The following PPFIBP1 variants were observed in gnomAD, a reference collection of about 807,000 sequenced individuals.
The protein encoded by PPFIBP1 is PPFIB scaffold protein 1.
A neutral mutation model predicts 137.8 loss-of-function variants in PPFIBP1; 112 were observed. The ratio of observed to expected loss-of-function variants is 0.81; its 90% CI spans 0.70 to 0.95. The LOEUF is 0.95. PPFIBP1 is among the 40% of genes least tolerant of loss of function. The pLI, the probability that PPFIBP1 is intolerant of heterozygous loss-of-function variation, is 0.00. For missense variants in PPFIBP1, 1,083 were observed against 1,196.6 expected, an observed-to-expected ratio of 0.91 and a Z score of 1.40; for synonymous variants, 378 against 417.3, an observed-to-expected ratio of 0.91 and a Z score of 1.15.
At chr12:27,616,888 A>G (rs187960319) in intron 2 of PPFIBP1, among the ~76,000 whole-genome samples, 5 of 152,310 alleles carry the variant, frequency 3.3e-5, no homozygotes, top group Admixed American at 2.6e-4. Flanking sequence ...AGGAATTTTT[A>G]GAGACAGCCA....
rs2139738432 is a variant in PPFIBP1, at chr12:27,654,819, G to A, written c.696+5G>A. 1 of 1,610,846 alleles carries A rather than the reference G, an allele frequency of 6.2e-7. No homozygotes were observed. The highest frequency in any genetic ancestry group is 2.2e-5 in the East Asian group (1 of 44,688). The stretch of plus-strand genomic sequence containing the variant: ...AAAAAGCTTAAATCAACCAAAGTAA[G>A]TTTTTCTCACAGGTTAACATTTTCA... On this transcript the variant is annotated splice_donor_5th_base_variant and intron_variant, in intron 8 of 29. Coordinates refer to ENST00000228425, the MANE Select transcript of PPFIBP1 (RefSeq NM_003622.4).
At chr12:27,672,634 GA>G in intron 15 of PPFIBP1, 151 bp downstream of exon 15, 1 of 633,044 alleles carries the variant, frequency 1.6e-6, no homozygotes, top group Non-Finnish European at 2.7e-6. Context: ...GGGTGGGGGT[GA>G]AGGTGGGGAG....
At chr12:27,629,811 A>T (rs993841736) in intron 2 of PPFIBP1, among the ~76,000 whole-genome samples, 6 of 152,206 alleles carry the variant, frequency 3.9e-5, no homozygotes, top group Non-Finnish European at 8.8e-5. Flanking sequence ...CCTCTAAAAT[A>T]GCTCAAACCA....
At chr12:27,558,256 G>GTTTTTTTTTTTTTTTTT (rs11434356) in intron 1 of PPFIBP1, among the ~76,000 whole-genome samples, 1 of 139,330 alleles carries the variant, frequency 7.2e-6, no homozygotes, top group Non-Finnish European at 1.5e-5. Flanking sequence ...GACCTTCTGG[G>GTTTTTTTTTTTTTTTTT]TTTTTTTTTT....
chr12:27,689,188 T>C lies in PPFIBP1; in HGVS notation c.2670T>C (p.Ala890=), dbSNP rs2061371109. The change falls in exon 27 of 30, where the codon GCT becomes GCC. Residue 890 remains alanine, a synonymous_variant. Transcript: ENST00000228425. ...TGCCGGATTATGTACTTCTAACAGC[T>C]ACTGCCAAAGTGAAGGTTGGTTCAG... ...MELPDYVLLT[A]TAKVKPKKLA... 2 of 1,569,546 alleles carry C rather than the reference T, an allele frequency of 1.3e-6. No individual in the cohort carries two copies. Among genetic ancestry groups the C allele is most frequent in the Non-Finnish European group, 1.7e-6 (2 of 1,164,374 alleles).
intron 4 of PPFIBP1, chr12:27,636,279 A>T (rs1312539153): frequency 3.8e-5 from 4 of 105,854 alleles, no homozygotes; most frequent in Non-Finnish European, 8.4e-5. Flanking sequence ...ACTTGTTAAA[A>T]CACATAATGC....
At chr12:27,625,664 A>G (rs1017530787) in intron 2 of PPFIBP1, among the ~76,000 whole-genome samples, 10 of 151,264 alleles carry the variant, frequency 6.6e-5, no homozygotes, top group African/African-American at 2.4e-4. Context: ...GCCCACTGCA[A>G]TCTCAGCCTC....
intron 2 of PPFIBP1, among the ~76,000 whole-genome samples, chr12:27,589,311 G>A (rs1330338303): frequency 6.6e-6 from 1 of 151,986 alleles, no homozygotes; most frequent in East Asian, 1.9e-4. Context: ...CTATTCTTGT[G>A]GCCAGTTAGA....
chr12:27,564,870 A>T (rs1305537823), intron 1 of PPFIBP1, among the ~76,000 whole-genome samples: 1 of 152,130 alleles, frequency 6.6e-6, no homozygotes, highest in Non-Finnish European at 1.5e-5. Flanking sequence ...CACCTCACCG[A>T]GGACCCCGGT....
intron 4 of PPFIBP1, among the ~76,000 whole-genome samples, chr12:27,637,636 A>G (rs2139167299): frequency 6.6e-6 from 1 of 152,260 alleles, no homozygotes; most frequent in African/African-American, 2.4e-5. Flanking sequence ...GCACACAGAG[A>G]ATGACAGGAT....
rs1378179167 is a variant in PPFIBP1, at chr12:27,688,361, T to C, written c.2434T>C (p.Ser812Pro). The C allele has an allele frequency of 3.1e-6, 5 of 1,614,142 alleles. No homozygotes were observed. The highest frequency in any genetic ancestry group is 2.2e-5 in the South Asian group (2 of 91,072). ...TNHRVMEWLR[S>P]VDLAEYAPNL... is the part of the protein sequence containing the mutation. ...CCATCGAGTGATGGAGTGGCTGCGCTCCGTGGACTTGGCAGAATATGCGCC... is the reference window on the plus strand; with the variant it reads ...CCATCGAGTGATGGAGTGGCTGCGCCCCGTGGACTTGGCAGAATATGCGCC... Residue 812 changes from serine to proline, a missense_variant, in exon 26 of 30, where the codon TCC (serine) becomes CCC (proline). By Grantham distance (74) the Ser-to-Pro change is moderately conservative. Transcript: ENST00000228425.
intron 2 of PPFIBP1, among the ~76,000 whole-genome samples, chr12:27,609,810 C>A (rs1370520310): frequency 6.6e-6 from 1 of 152,140 alleles, no homozygotes; most frequent in East Asian, 1.9e-4. Flanking sequence ...GTGTTTAAAC[C>A]CACTGCTCTT....
At chr12:27,655,743 G>A (rs2059157333) in intron 8 of PPFIBP1, among the ~76,000 whole-genome samples, 1 of 152,140 alleles carries the variant, frequency 6.6e-6, no homozygotes, top group Non-Finnish European at 1.5e-5. Flanking sequence ...AAACTATAGG[G>A]CCAAGTGCCT....
chr12:27,614,323 G>A (rs2055505547), intron 2 of PPFIBP1, among the ~76,000 whole-genome samples: 1 of 152,058 alleles, frequency 6.6e-6, no homozygotes, highest in South Asian at 2.1e-4. Flanking sequence ...AGGCTGCAGT[G>A]AGCCGTGCGT....
At chr12:27,569,753 G>T (rs1036981080) in intron 1 of PPFIBP1, among the ~76,000 whole-genome samples, 1 of 152,062 alleles carries the variant, frequency 6.6e-6, no homozygotes, top group Non-Finnish European at 1.5e-5. Context: ...TGGAGACAGG[G>T]TTTCACCATA....
intron 4 of PPFIBP1, among the ~76,000 whole-genome samples, chr12:27,638,111 T>C (rs1243634518): frequency 6.6e-6 from 1 of 152,100 alleles, no homozygotes; most frequent in Non-Finnish European, 1.5e-5. Flanking sequence ...TTTTGCTAGA[T>C]GAAAAGAGTT....
At chr12:27,685,903 GA>G (rs1214864706) in intron 24 of PPFIBP1, among the ~76,000 whole-genome samples, 1 of 152,052 alleles carries the variant, frequency 6.6e-6, no homozygotes, top group Non-Finnish European at 1.5e-5. Flanking sequence ...AAATTGGGAA[GA>G]AAATCACTCA....
At chr12:27,571,004 G>A (rs903974372) in intron 1 of PPFIBP1, among the ~76,000 whole-genome samples, 1 of 152,168 alleles carries the variant, frequency 6.6e-6, no homozygotes, top group African/African-American at 2.4e-5. Context: ...AATTAAAGAT[G>A]TTACTGGTAG....
At chr12:27,554,287 T>A (rs974564581) in intron 1 of PPFIBP1, among the ~76,000 whole-genome samples, 1 of 152,248 alleles carries the variant, frequency 6.6e-6, no homozygotes, top group Admixed American at 6.5e-5. Flanking sequence ...CTAGTGAAGC[T>A]GTTCCCTCCA....
Sources: gnomAD v4.1 joint callset for allele counts (sites outside exome capture counted in the v4.1 genomes callset) on GRCh38, gnomAD v4.1.1 for gene constraint, MANE v1.5 for transcripts, NCBI Gene and HGNC (gene_info 2026-07-23, HGNC 2026-07-21) for gene names.